Variants in RPS6KA6 observed in about 807,000 individuals in gnomAD.
RPS6KA6 encodes the protein ribosomal protein S6 kinase A6, also known as ribosomal protein S6 kinase alpha-6.
In RPS6KA6, 27 loss-of-function variants were observed where a neutral mutation model predicts 65.4. The observed-to-expected ratio is 0.41, with a 90% CI of 0.30 to 0.57. The LOEUF is 0.57. Among genes scored for constraint, RPS6KA6 ranks in the 20% least tolerant of loss-of-function variants. The pLI is 0.24. For synonymous variants in RPS6KA6, 190 were observed against 184.2 expected (o/e 1.03, Z -0.26); for missense variants, 486 against 555.6 (o/e 0.87, Z 1.26).
intron 6 of RPS6KA6, among the ~76,000 whole-genome samples, chrX:84,136,111 AT>A (rs1449087197): frequency 8.9e-6 from 1 of 112,003 alleles, no homozygotes. Context: ...TTACATCTAA[AT>A]TCATTCACTA....
In RPS6KA6 at chrX:84,063,531, A is replaced by T. The variant is rs2147312797; in HGVS notation, c.*746T>A. The stretch of plus-strand genomic sequence containing the variant: ...CAACAGTATAAAGCCTTTGGAAAAA[A>T]AAAAAGTTTCACTTGTACTAAATTT... On this transcript the variant is annotated 3_prime_UTR_variant, in exon 22 of 22. Transcript: ENST00000262752. 1 of 111,834 alleles carries T rather than the reference A, an allele frequency of 8.9e-6. No homozygotes were observed. Among genetic ancestry groups the T allele is most frequent in the African/African-American group, 3.2e-5 (1 of 30,896 alleles). 9.2% of individuals were successfully genotyped at this position (111,834 alleles called of 1,213,427 possible).
intron 1 of RPS6KA6, 92 bp downstream of exon 1, chrX:84,187,727 G>A: frequency 1.1e-6 from 1 of 905,089 alleles, no homozygotes; most frequent in South Asian, 2.3e-5. Flanking sequence ...CCGCTTCCCG[G>A]CCCTACGCCT....
chrX:84,153,586 T>G (rs2035366421), intron 3 of RPS6KA6, among the ~76,000 whole-genome samples: 1 of 111,814 alleles, frequency 8.9e-6, no homozygotes, highest in South Asian at 3.7e-4. Context: ...GTTATAAGGC[T>G]TTATATGGGC....
At chrX:84,105,642 A>C in intron 16 of RPS6KA6, 145 bp downstream of exon 16, 1 of 333,957 alleles carries the variant, frequency 3.0e-6, no homozygotes. Flanking sequence ...GAAAAAAAAG[A>C]ATTAAAGTGG....
chrX:84,073,658 A>C (rs1474002655), intron 20 of RPS6KA6, among the ~76,000 whole-genome samples: 1 of 111,905 alleles, frequency 8.9e-6, no homozygotes, highest in Non-Finnish European at 1.9e-5. Flanking sequence ...AGAATATATA[A>C]AACATTCAAA....
intron 20 of RPS6KA6, among the ~76,000 whole-genome samples, chrX:84,076,106 C>T (rs756641468): frequency 1.8e-5 from 2 of 111,869 alleles, no homozygotes; most frequent in South Asian, 7.3e-4. Context: ...AATGCCAGTG[C>T]TCACTCAAGA....
chrX:84,124,886 G>C (rs1415855277), intron 8 of RPS6KA6, among the ~76,000 whole-genome samples: 4 of 111,935 alleles, frequency 3.6e-5, no homozygotes. Context: ...AAAGTTCATT[G>C]ATAAAGTATC....
At chrX:84,138,989 A>AT (rs1393055422) in intron 6 of RPS6KA6, among the ~76,000 whole-genome samples, 3 of 112,227 alleles carry the variant, frequency 2.7e-5, no homozygotes, top group Non-Finnish European at 3.8e-5. Flanking sequence ...TGGATTAACA[A>AT]TTTTTTGTAC....
chrX:84,081,240 A>T (rs971416100), intron 20 of RPS6KA6, among the ~76,000 whole-genome samples: 17 of 111,783 alleles, frequency 1.5e-4, no homozygotes, highest in Non-Finnish European at 3.0e-4. Flanking sequence ...TAAAGAGGAA[A>T]AGAGAGAAGA....
intron 18 of RPS6KA6, among the ~76,000 whole-genome samples, chrX:84,099,279 C>T (rs2034216149): frequency 9.0e-6 from 1 of 111,248 alleles, no homozygotes; most frequent in Admixed American, 9.6e-5. Flanking sequence ...AAGAAACAGT[C>T]CACTTTTTTT....
intron 8 of RPS6KA6, among the ~76,000 whole-genome samples, chrX:84,126,214 T>C (rs1031294941): frequency 1.8e-5 from 2 of 111,163 alleles, no homozygotes; most frequent in Non-Finnish European, 3.8e-5. Context: ...TCATACAAAA[T>C]AGATTTGAAG....
chrX:84,135,383 T>G (rs890753764), intron 6 of RPS6KA6, among the ~76,000 whole-genome samples, 173 bp from the exon 7 acceptor site: 5 of 111,537 alleles, frequency 4.5e-5, no homozygotes, highest in Admixed American at 2.9e-4. Flanking sequence ...AAATAAGATT[T>G]CTATATAAAT....
At chrX:84,074,449 CAGAGT>C (rs2033615386) in intron 20 of RPS6KA6, among the ~76,000 whole-genome samples, 1 of 111,052 alleles carries the variant, frequency 9.0e-6, no homozygotes, top group Non-Finnish European at 1.9e-5. Context: ...TGCTCTGTTG[CAGAGT>C]AGAGTAAATA....
chrX:84,185,979 T>C (rs1252120106), intron 1 of RPS6KA6: 1 of 490,094 alleles, frequency 2.0e-6, no homozygotes, highest in African/African-American at 2.3e-5. Flanking sequence ...ATATTTTTTA[T>C]TAAGTAACTT....
intron 20 of RPS6KA6, among the ~76,000 whole-genome samples, chrX:84,074,181 A>G (rs2033609876): frequency 8.9e-6 from 1 of 112,376 alleles, no homozygotes; most frequent in Non-Finnish European, 1.9e-5. Flanking sequence ...ATGGAATACT[A>G]TTGGCCAAAA....
chrX:84,066,554 T>A (rs1015289661), intron 20 of RPS6KA6, among the ~76,000 whole-genome samples: 1 of 111,023 alleles, frequency 9.0e-6, no homozygotes, highest in African/African-American at 3.3e-5. Flanking sequence ...GTGACCAGAC[T>A]GCCTCTCTAG....
At position 84,065,416 on chromosome X, in the gene RPS6KA6, A is replaced by C. The variant is rs187809633; in HGVS notation, c.1972-305T>G. Reference sequence around the variant, plus strand: ...GCAGAAGTTATCCTGGAATATGCTAAATGTTCAGCAGGAGACAGGAGCTAT... The same window carrying C: ...GCAGAAGTTATCCTGGAATATGCTACATGTTCAGCAGGAGACAGGAGCTAT... On this transcript the variant is annotated intron_variant, in intron 20 of 21. Transcript: ENST00000262752. 1.5e-3 allele frequency among the ~76,000 whole-genome samples: 166 copies of C among 111,808 alleles called. 1 individual carries two copies. The highest frequency in any genetic ancestry group is 5.0e-3 in the African/African-American group (153 of 30,784).
intron 6 of RPS6KA6, among the ~76,000 whole-genome samples, chrX:84,141,820 G>C (rs2035109378): frequency 9.0e-6 from 1 of 111,159 alleles, no homozygotes; most frequent in Non-Finnish European, 1.9e-5. Context: ...TTCATCAAGA[G>C]GGAATAATAA....
At chrX:84,091,708 T>C (rs1371375862) in intron 20 of RPS6KA6, among the ~76,000 whole-genome samples, 1 of 111,847 alleles carries the variant, frequency 8.9e-6, no homozygotes, top group Non-Finnish European at 1.9e-5. Flanking sequence ...CCCAAAGGAA[T>C]ATAAATCATT....
Sources: allele counts gnomAD v4.1 joint callset (sites outside exome capture counted in the v4.1 genomes callset), GRCh38; gene constraint gnomAD v4.1.1; transcripts MANE v1.5; gene names NCBI Gene and HGNC (gene_info 2026-07-23, HGNC 2026-07-21).